Variants in CIB2 observed in about 807,000 individuals in gnomAD.
CIB2 encodes the protein calcium and integrin-binding family member 2.
In CIB2, 19 loss-of-function variants were observed where a neutral mutation model predicts 23.1. That is an observed-to-expected ratio of 0.82 (90% CI 0.57 to 1.21). The LOEUF is 1.21. Among genes scored for constraint, CIB2 ranks in the 50% most tolerant of loss-of-function variants. The probability of loss-of-function intolerance (pLI) is 0.00; values close to 1 mark genes in which losing one functional copy is unlikely to be tolerated. For missense variants in CIB2, 220 were observed against 241.5 expected (o/e 0.91, Z 0.59); for synonymous variants, 94 against 91.7 (o/e 1.03, Z -0.14).
chr15:78,105,993 C>CA, intron 4 of CIB2, 59 bp from the exon 5 acceptor site: 1 of 1,399,662 alleles, frequency 7.1e-7, no homozygotes, highest in Non-Finnish European at 1.0e-6. Context: ...GGGACCCCTA[C>CA]ACTATAGCTC....
At chr15:78,115,446 G>A (rs2074224672) in intron 2 of CIB2, among the ~76,000 whole-genome samples, 1 of 151,676 alleles carries the variant, frequency 6.6e-6, no homozygotes, top group Non-Finnish European at 1.5e-5. Context: ...ATTTTTAGTA[G>A]AGATGGGGTT....
At chr15:78,109,807 CAA>C (rs61214041) in intron 3 of CIB2, among the ~76,000 whole-genome samples, 9 of 87,210 alleles carry the variant, frequency 1.0e-4, no homozygotes, top group Admixed American at 1.4e-4. Flanking sequence ...ACCATGTCTC[CAA>C]AAAAAAAAAA....
In CIB2 at chr15:78,113,623, C is replaced by T. The variant is rs192287895; in HGVS notation, c.87-2347G>A. ...TCGGCTCACTGCAAGCTCCGCCTCC[C>T]GGGTTCAGGCCATTCTCCTGCCTCA... On this transcript the variant is annotated intron_variant, in intron 2 of 5. Transcript: ENST00000258930. Among the ~76,000 whole-genome samples, 90 of 152,036 alleles carry T rather than the reference C, an allele frequency of 5.9e-4. 1 individual carries two copies. The highest frequency in any genetic ancestry group is 2.0e-3 in the Admixed American group (30 of 15,264).
chr15:78,106,966 C>T (rs966419121), intron 4 of CIB2, among the ~76,000 whole-genome samples: 4 of 152,040 alleles, frequency 2.6e-5, no homozygotes, highest in African/African-American at 7.3e-5. Context: ...CGGTGGTTCA[C>T]GCCTGTAATC....
intron 2 of CIB2, among the ~76,000 whole-genome samples, chr15:78,121,367 A>G (rs1188399176): frequency 6.6e-6 from 1 of 152,142 alleles, no homozygotes; most frequent in East Asian, 1.9e-4. Flanking sequence ...GGTGCAGGCC[A>G]GGGCTGTGGG....
intron 1 of CIB2, among the ~76,000 whole-genome samples, chr15:78,128,790 G>T (rs562973985): frequency 6.6e-6 from 1 of 152,280 alleles, no homozygotes; most frequent in South Asian, 2.1e-4. Flanking sequence ...GAGGGGCGCA[G>T]GAGGGAGCAG....
At chr15:78,106,355 G>C (rs974275017) in intron 4 of CIB2, among the ~76,000 whole-genome samples, 1 of 152,316 alleles carries the variant, frequency 6.6e-6, no homozygotes, top group Non-Finnish European at 1.5e-5. Context: ...CTCGGAGATG[G>C]AGCAGGGATT....
intron 1 of CIB2, among the ~76,000 whole-genome samples, chr15:78,129,627 T>C (rs1312899525): frequency 6.6e-6 from 1 of 152,156 alleles, no homozygotes; most frequent in Non-Finnish European, 1.5e-5. Context: ...TGCCCTTCCC[T>C]AGAACACACT....
chr15:78,131,181 T>A lies in CIB2; in HGVS notation c.35A>T (p.Gln12Leu). Reference protein sequence around the residue: ...GNKQTIFTEEQLDNYQDCTFF... With the variant: ...GNKQTIFTEELLDNYQDCTFF... ...CGAGCTCACCTGGTAGTTGTCTAGCTGCTCTTCGGTGAAGATGGTCTGCTT... is the reference window on the plus strand; with the variant it reads ...CGAGCTCACCTGGTAGTTGTCTAGCAGCTCTTCGGTGAAGATGGTCTGCTT... Residue 12 changes from glutamine (Q) to leucine (L), a missense_variant, in exon 1 of 6, where the codon CAG (glutamine) becomes CTG (leucine). Coordinates refer to ENST00000258930, the MANE Select transcript of CIB2 (RefSeq NM_006383.4). This position sits in a 1 kb window ranked among gnomAD's most constrained non-coding sequence, Gnocchi z 5.8. 1 of 1,590,912 alleles carries A rather than the reference T, an allele frequency of 6.3e-7. No homozygotes were observed. The highest frequency in any genetic ancestry group is 2.3e-5 in the East Asian group (1 of 43,662).
At chr15:78,108,540 C>T (rs1340541351) in intron 4 of CIB2, among the ~76,000 whole-genome samples, 1 of 152,190 alleles carries the variant, frequency 6.6e-6, no homozygotes, top group Non-Finnish European at 1.5e-5. Flanking sequence ...GTGAGACAGC[C>T]AGCCTGAGGG....
rs1460424997 is a variant in CIB2, at chr15:78,128,939, G to A, written c.51+2226C>T. 2.0e-5 allele frequency among the ~76,000 whole-genome samples: 3 copies of A among 152,204 alleles called. No individual in the cohort carries two copies. The East Asian group carries it at 5.8e-4, about 29-fold the overall frequency. ...TCTTAACTGAAAACATGGGCTGAGG[G>A]AGAGCAGAGAGTTGAAATGGCTGGA... On this transcript the variant is annotated intron_variant, in intron 1 of 5. Transcript: ENST00000258930.
intron 1 of CIB2, among the ~76,000 whole-genome samples, chr15:78,127,901 G>A (rs2074402475): frequency 6.6e-6 from 1 of 152,218 alleles, no homozygotes; most frequent in Admixed American, 6.5e-5. Context: ...GGCCCAGAAG[G>A]GAACAGTGGC....
chr15:78,130,059 C>T (rs1488389239), intron 1 of CIB2, among the ~76,000 whole-genome samples: 8 of 152,202 alleles, frequency 5.3e-5, no homozygotes, highest in Admixed American at 5.2e-4. Flanking sequence ...AGAGGACCCA[C>T]ACTTCACACC....
chr15:78,131,199 G>A lies in CIB2; in HGVS notation c.17C>T (p.Thr6Ile). 1 of 1,585,484 alleles carries A rather than the reference G, an allele frequency of 6.3e-7. No individual in the cohort carries two copies. Among genetic ancestry groups the A allele is most frequent in the Admixed American group, 1.7e-5 (1 of 58,528 alleles). ...GTCTAGCTGCTCTTCGGTGAAGATG[G>A]TCTGCTTGTTCCCCATGGTGGCCGC... MGNKQ[T>I]IFTEEQLDNY... Residue 6 changes from threonine (T) to isoleucine (I), a missense_variant, in exon 1 of 6, where the codon ACC becomes ATC. Thr to Ile is a moderately conservative substitution (Grantham distance 89, BLOSUM62 -1). Transcript: ENST00000258930. This position sits in a 1 kb window ranked among gnomAD's most constrained non-coding sequence, Gnocchi z 5.8.
chr15:78,119,382 T>C (rs979179085), intron 2 of CIB2, among the ~76,000 whole-genome samples: 3 of 152,226 alleles, frequency 2.0e-5, no homozygotes, highest in Non-Finnish European at 4.4e-5. Context: ...AATGCTGCTA[T>C]GATTGTGGGT....
At chr15:78,110,368 C>A (rs1337131325) in intron 3 of CIB2, among the ~76,000 whole-genome samples, 1 of 152,226 alleles carries the variant, frequency 6.6e-6, no homozygotes, top group Non-Finnish European at 1.5e-5. Flanking sequence ...CTTGCTGGGC[C>A]AGACGGGGTG....
intron 2 of CIB2, among the ~76,000 whole-genome samples, chr15:78,117,283 T>TAAAAAAAAAAAA (rs1265422874): frequency 3.4e-4 from 45 of 133,414 alleles, no homozygotes; most frequent in Non-Finnish European, 4.7e-4. Flanking sequence ...AAAGTTTGTT[T>TAAAAAAAAAAAA]AAAAGAATAA....
At chr15:78,126,548 A>C (rs1172786916) in intron 1 of CIB2, among the ~76,000 whole-genome samples, 1 of 152,182 alleles carries the variant, frequency 6.6e-6, no homozygotes, top group Non-Finnish European at 1.5e-5. Context: ...CTATGACTAC[A>C]AACAGAGCCA....
rs551013365 is a variant in CIB2, at chr15:78,107,256, G to C, written c.347-1322C>G. On this transcript the variant is annotated intron_variant, in intron 4 of 5. Coordinates refer to ENST00000258930, the MANE Select transcript of CIB2 (RefSeq NM_006383.4). ...TCTCAAAAATAAAAAAAGAAACAGG[G>C]AGGTGAAAAGGAGAGGTACCTGCCT... Among the ~76,000 whole-genome samples, 32 of 152,158 alleles carry C rather than the reference G, an allele frequency of 2.1e-4. No individual in the cohort carries two copies. In the South Asian group the frequency reaches 3.3e-3, roughly 16 times the overall value.
Sources: gnomAD v4.1 joint callset for allele counts (sites outside exome capture counted in the v4.1 genomes callset) on GRCh38, gnomAD v4.1.1 for gene constraint, Gnocchi (gnomAD v3.1) non-coding constraint, MANE v1.5 for transcripts, NCBI Gene and HGNC (gene_info 2026-07-23, HGNC 2026-07-21) for gene names.